The following AP1G1 variants were observed in gnomAD, a reference collection of about 807,000 sequenced individuals.
AP1G1 encodes the protein adaptor related protein complex 1 subunit gamma 1.
AP1G1 carries 7 observed loss-of-function variants against 108.3 expected under a neutral mutation model. The ratio of observed to expected loss-of-function variants is 0.06; its 90% CI spans 0.04 to 0.12. The LOEUF (loss-of-function observed/expected upper bound fraction) is 0.12, where lower values mean the gene tolerates loss of function less well. Among genes scored for constraint, AP1G1 ranks in the 10% least tolerant of loss-of-function variants. AP1G1 has a pLI of 1.00. For missense variants in AP1G1, 756 were observed against 1,010.7 expected, an observed-to-expected ratio of 0.75 and a Z score of 3.42; for synonymous variants, 379 against 353.5, an observed-to-expected ratio of 1.07 and a Z score of -0.81.
chr16:71,770,009 A>C (rs555169113), intron 5 of AP1G1, among the ~76,000 whole-genome samples: 28 of 152,232 alleles, frequency 1.8e-4, no homozygotes, highest in Non-Finnish European at 4.0e-4. Context: ...AATGCAAGCT[A>C]GGTATGATCT....
At position 71,771,246 on chromosome 16, in the gene AP1G1, G is replaced by A; in HGVS notation, c.475C>T (p.Leu159=). The A allele has an allele frequency of 6.4e-7, 1 of 1,551,698 alleles. No individual in the cohort carries two copies. The highest frequency in any genetic ancestry group is 8.7e-7 in the Non-Finnish European group (1 of 1,153,494). Residue 159 remains leucine (L), a synonymous_variant, in exon 5 of 23, where the codon CTG becomes TTG. Coordinates refer to ENST00000299980, the MANE Select transcript of AP1G1 (RefSeq NM_001128.6). The stretch of plus-strand genomic sequence containing the variant: ...TTCCTGATGACATGAACAGCACACA[G>A]TGCTGCCTATGAAAAAAAAAATAAA... ...SNSYLRKKAA[L]CAVHVIRKVP...
intron 5 of AP1G1, among the ~76,000 whole-genome samples, chr16:71,770,604 A>G (rs1172284426): frequency 6.6e-6 from 1 of 152,196 alleles, no homozygotes; most frequent in Non-Finnish European, 1.5e-5. Context: ...CAGCCTCCTG[A>G]GTGGCTGGGA....
chr16:71,759,181 G>A (rs1008650512), intron 10 of AP1G1, among the ~76,000 whole-genome samples: 3 of 152,112 alleles, frequency 2.0e-5, no homozygotes, highest in African/African-American at 4.8e-5. Context: ...AAAGTAGGCC[G>A]GGCATGGTGG....
At position 71,732,770 on chromosome 16, in the gene AP1G1, T is replaced by C. The variant is rs1488731910; in HGVS notation, c.*288A>G. 3.3e-6 allele frequency: 1 copy of C among 301,668 alleles called. No individual in the cohort carries two copies. Among genetic ancestry groups the C allele is most frequent in the Non-Finnish European group, 6.2e-6 (1 of 162,074 alleles). The allele number at this position is 301,668 out of a possible 1,614,324, so 18.7% of individuals were successfully genotyped here. A position where few individuals can be genotyped will look rare whatever the true frequency, so the allele number is the denominator to read the frequency against. On this transcript the variant is annotated 3_prime_UTR_variant, in exon 23 of 23. Coordinates refer to ENST00000299980, the MANE Select transcript of AP1G1 (RefSeq NM_001128.6). ...CTTATTTCCTCAGGGGCCCAGGGAA[T>C]GTTGATTCTGGCTGTAAATGTGGGA...
intron 2 of AP1G1, among the ~76,000 whole-genome samples, chr16:71,776,119 A>T (rs2031772679): frequency 6.6e-6 from 1 of 152,244 alleles, no homozygotes; most frequent in South Asian, 2.1e-4. Context: ...ACCTGTGTAT[A>T]CAGGAAGCTA....
At chr16:71,783,221 C>T (rs891242309) in intron 2 of AP1G1, among the ~76,000 whole-genome samples, 3 of 151,754 alleles carry the variant, frequency 2.0e-5, no homozygotes, top group Non-Finnish European at 2.9e-5. Flanking sequence ...TAATGTACTA[C>T]CTGTACAGTG....
At chr16:71,806,532 A>AGC (rs746468879) in intron 1 of AP1G1, among the ~76,000 whole-genome samples, 1 of 152,192 alleles carries the variant, frequency 6.6e-6, no homozygotes, top group Non-Finnish European at 1.5e-5. Flanking sequence ...TGAGCCACTG[A>AGC]GCGCCCGCCT....
chr16:71,808,813 T>C lies in AP1G1; in HGVS notation c.-54A>G, dbSNP rs748031172. 4 of 1,289,470 alleles carry C rather than the reference T, an allele frequency of 3.1e-6. No homozygotes were observed. The highest frequency in any genetic ancestry group is 5.6e-5 in the East Asian group (1 of 18,004). 79.9% of individuals were successfully genotyped at this position (1,289,470 alleles called of 1,614,324 possible). ...GCAGCTCCGGGGGCGGCGGCAGCAG[T>C]GGCAGCAGGAACCGAACATCCAAAA... On this transcript the variant is annotated 5_prime_UTR_variant, in exon 1 of 23. Transcript: ENST00000299980.
At position 71,731,908 on chromosome 16, in the gene AP1G1, G is replaced by C. The variant is rs2045479089; in HGVS notation, c.*1150C>G. On this transcript the variant is annotated 3_prime_UTR_variant, in exon 23 of 23. Coordinates refer to ENST00000299980, the MANE Select transcript of AP1G1 (RefSeq NM_001128.6). ...CTTTAACCGTGTGGTCTTTATTTCAGTGCCAGTGTTACAGATACAACACAA... is the reference window on the plus strand; with the variant it reads ...CTTTAACCGTGTGGTCTTTATTTCACTGCCAGTGTTACAGATACAACACAA... 1.3e-5 allele frequency: 2 copies of C among 152,616 alleles called. No individual in the cohort carries two copies. Among genetic ancestry groups the C allele is most frequent in the Non-Finnish European group, 2.9e-5 (2 of 68,042 alleles). 9.5% of individuals were successfully genotyped at this position (152,616 alleles called of 1,614,324 possible).
chr16:71,779,802 G>A (rs962362314), intron 2 of AP1G1, among the ~76,000 whole-genome samples: 2 of 151,822 alleles, frequency 1.3e-5, no homozygotes, highest in Non-Finnish European at 2.9e-5. Flanking sequence ...CACCTATTTT[G>A]TTAGCTTTTA....
chr16:71,756,533 T>C (rs186924039), intron 11 of AP1G1, among the ~76,000 whole-genome samples: 1 of 152,310 alleles, frequency 6.6e-6, no homozygotes, highest in Admixed American at 6.5e-5. Flanking sequence ...ATCTGCCTCA[T>C]TCCTTAAAAA....
At chr16:71,808,593 A>G in intron 1 of AP1G1, 170 bp downstream of exon 1, 1 of 1,289,480 alleles carries the variant, frequency 7.8e-7, no homozygotes, top group Non-Finnish European at 1.0e-6. Flanking sequence ...AAGTCGGAGC[A>G]GCCCCTGGGG....
Position 71,745,202 on chromosome 16 carries a change from G to T in AP1G1, c.1941C>A (p.Ser647Arg). 6.2e-7 allele frequency: 1 copy of T among 1,614,154 alleles called. No individual in the cohort carries two copies. The highest frequency in any genetic ancestry group is 8.5e-7 in the Non-Finnish European group (1 of 1,180,024). The change falls in exon 19 of 23, where the codon AGC (serine) becomes AGA (arginine). Residue 647 changes from serine (S) to arginine (R), a missense_variant. Ser to Arg is a moderately radical substitution (Grantham distance 110, BLOSUM62 -1). This residue lies in a region of AP1G1 where 357 missense variants were observed against 366.5 expected (regional missense o/e 0.97). Transcript: ENST00000299980. ...GTTCTCCACCAGCAGAAGATGGTTT[G>T]CTTGTAGGCGCAGTTGGAATAACAG... is the stretch of plus-strand genomic sequence containing the variant. ...ITPVIPTAPTSKPSSAGGELL... is the reference protein window; with the variant it reads ...ITPVIPTAPTRKPSSAGGELL...
At position 71,730,253 on chromosome 16, in the gene AP1G1, T is replaced by C. The variant is rs1319596636; in HGVS notation, c.*2805A>G. The stretch of plus-strand genomic sequence containing the variant: ...AGCTTCTCAGGGAGAGCACCCTTCC[T>C]ACAGTTTTTTGAGATTACTTAGATG... On this transcript the variant is annotated 3_prime_UTR_variant, in exon 23 of 23. Coordinates refer to ENST00000299980, the MANE Select transcript of AP1G1 (RefSeq NM_001128.6). The C allele has an allele frequency of 6.6e-6, 1 of 152,580 alleles. No homozygotes were observed. Among genetic ancestry groups the C allele is most frequent in the Non-Finnish European group, 1.5e-5 (1 of 68,022 alleles). 9.5% of individuals were successfully genotyped at this position (152,580 alleles called of 1,614,324 possible).
rs1000545463 is a variant in AP1G1, at chr16:71,729,202, G to A, written c.*3856C>T. The A allele has an allele frequency of 4.6e-5, 7 of 151,784 alleles. No homozygotes were observed. The highest frequency in any genetic ancestry group is 1.5e-4 in the African/African-American group (6 of 41,134). 9.4% of individuals were successfully genotyped at this position (151,784 alleles called of 1,614,324 possible). A position where few individuals can be genotyped will look rare whatever the true frequency, so the allele number is the denominator to read the frequency against. Reference sequence around the variant, plus strand: ...CAAAAATATGTCTGCAATAATTAGAGCTTCATTAGCTGTCCCACTTGGAAA... The same window carrying A: ...CAAAAATATGTCTGCAATAATTAGAACTTCATTAGCTGTCCCACTTGGAAA... On this transcript the variant is annotated 3_prime_UTR_variant, in exon 23 of 23. Transcript: ENST00000299980.
chr16:71,804,744 T>C (rs1455659107), intron 1 of AP1G1, among the ~76,000 whole-genome samples: 2 of 152,156 alleles, frequency 1.3e-5, no homozygotes, highest in Admixed American at 6.5e-5. Flanking sequence ...GGGCAAGGCA[T>C]GGTGGCACAC....
At chr16:71,745,107 C>G in intron 19 of AP1G1, 37 bp downstream of exon 19, 3 of 1,608,582 alleles carry the variant, frequency 1.9e-6, no homozygotes, top group Non-Finnish European at 2.5e-6. Context: ...AGGCCTCTAT[C>G]TTTTCCCAGG....
At chr16:71,765,948 T>C (rs2031294802) in intron 6 of AP1G1, among the ~76,000 whole-genome samples, 1 of 152,200 alleles carries the variant, frequency 6.6e-6, no homozygotes, top group Non-Finnish European at 1.5e-5. Flanking sequence ...GGCAAAAACA[T>C]GTTCAGTTTT....
At chr16:71,786,511 A>G (rs974776182) in intron 2 of AP1G1, among the ~76,000 whole-genome samples, 14 of 152,054 alleles carry the variant, frequency 9.2e-5, no homozygotes, top group African/African-American at 2.9e-4. Flanking sequence ...GCCAGGCTGG[A>G]GTACAGTGGC....
Sources: gnomAD v4.1 joint callset for allele counts (sites outside exome capture counted in the v4.1 genomes callset) on GRCh38, gnomAD v4.1.1 for gene constraint, gnomAD v4.1.1 regional missense constraint, MANE v1.5 for transcripts, NCBI Gene and HGNC (gene_info 2026-07-23, HGNC 2026-07-21) for gene names.